Variants in PSMA6 observed in about 807,000 individuals in gnomAD.
PSMA6 encodes proteasome subunit alpha type-6.
For missense variants in PSMA6, 170 were observed against 294.8 expected, an observed-to-expected ratio of 0.58 and a Z score of 3.10; for synonymous variants, 88 against 97.7, an observed-to-expected ratio of 0.90 and a Z score of 0.59.
rs1452669814 is a variant in PSMA6, at chr14:35,293,142, G to C, written c.76+590G>C. On this transcript the variant is annotated intron_variant, in intron 1 of 6. Transcript: ENST00000261479. ...GTGCCAATTTACAAATATCTACAGA[G>C]TTCAAGACATCTTTGGGAATCTGAT... 5 of 396,608 alleles carry C rather than the reference G, an allele frequency of 1.3e-5. No homozygotes were observed. In the Admixed American group the frequency reaches 1.5e-4, roughly 12 times the overall value. 24.6% of individuals were successfully genotyped at this position (396,608 alleles called of 1,614,324 possible). A position where few individuals can be genotyped will look rare whatever the true frequency, so the allele number is the denominator to read the frequency against.
intron 1 of PSMA6, among the ~76,000 whole-genome samples, chr14:35,280,159 G>T: frequency 6.6e-6 from 1 of 151,396 alleles, no homozygotes; most frequent in African/African-American, 2.4e-5. Context: ...GTATTTTTCG[G>T]CCTGGCGCAA....
upstream of PSMA6, among the ~76,000 whole-genome samples, chr14:35,291,054 T>C (rs1225236893): frequency 2.0e-5 from 3 of 151,870 alleles, no homozygotes; most frequent in Non-Finnish European, 4.4e-5. Flanking sequence ...TGCAGTGGCG[T>C]GATCATAGCT....
At chr14:35,295,481 C>T (rs915301076) in intron 1 of PSMA6, among the ~76,000 whole-genome samples, 8 of 146,546 alleles carry the variant, frequency 5.5e-5, no homozygotes, top group African/African-American at 2.0e-4. Flanking sequence ...GACAGAGTTG[C>T]GCTCTTGTTG....
intron 1 of PSMA6, among the ~76,000 whole-genome samples, chr14:35,299,014 G>C (rs1032392473): frequency 8.6e-5 from 13 of 151,116 alleles, no homozygotes; most frequent in African/African-American, 3.2e-4. Flanking sequence ...TATTATAGGC[G>C]TGAGTCACTG....
At chr14:35,297,119 GTTTTTTTTTT>G (rs924383407) in intron 1 of PSMA6, among the ~76,000 whole-genome samples, 8 of 62,656 alleles carry the variant, frequency 1.3e-4, no homozygotes, top group Admixed American at 4.4e-4. Context: ...TCTTAACAAA[GTTTTTTTTTT>G]TTTTTTTTTT....
exon 1 of PSMA6, chr14:35,278,655 G>A (rs1276011781): frequency 6.5e-7 from 1 of 1,534,740 alleles, no homozygotes; most frequent in South Asian, 1.2e-5. Flanking sequence ...TGGGAGAATG[G>A]GATGGAGCCT....
chr14:35,290,280 A>G (rs2138709302), upstream of PSMA6, among the ~76,000 whole-genome samples: 1 of 152,314 alleles, frequency 6.6e-6, no homozygotes, highest in Middle Eastern at 3.4e-3. Context: ...AACTCTGACT[A>G]TGCAGGCAAA....
chr14:35,313,080 T>A (rs2051975174), intron 5 of PSMA6, 21 bp downstream of exon 5: 2 of 1,553,122 alleles, frequency 1.3e-6, no homozygotes, highest in Non-Finnish European at 1.7e-6. Flanking sequence ...CAAAAGGAGC[T>A]GACTTTTTTT....
At chr14:35,294,045 T>C (rs566229526) in intron 1 of PSMA6, among the ~76,000 whole-genome samples, 92 of 150,206 alleles carry the variant, frequency 6.1e-4, no homozygotes, top group African/African-American at 1.9e-3. Context: ...TGATTTTTTA[T>C]TTATTTTTAT....
chr14:35,282,608 T>C lies in PSMA6; in HGVS notation c.19+3890T>C, dbSNP rs117207620. Among the ~76,000 whole-genome samples, 276 of 152,128 alleles carry C rather than the reference T, an allele frequency of 1.8e-3. 2 individuals are homozygous for C. The highest frequency in any genetic ancestry group is 0.017 in the Middle Eastern group (5 of 294). ...ATGATTAAAATGATACTTTGCACTT[T>C]GGGAGGTCAAGGCAGGAGGATTTCT... On this transcript the variant is annotated intron_variant, in intron 1 of 6. Transcript: ENST00000540871.
At chr14:35,295,776 A>G (rs1346672877) in intron 1 of PSMA6, among the ~76,000 whole-genome samples, 1 of 152,174 alleles carries the variant, frequency 6.6e-6, no homozygotes, top group African/African-American at 2.4e-5. Flanking sequence ...TAATGTACAT[A>G]TGCAGGTTGT....
chr14:35,280,423 C>T (rs2051354157), intron 1 of PSMA6, among the ~76,000 whole-genome samples: 1 of 150,930 alleles, frequency 6.6e-6, no homozygotes, highest in Admixed American at 6.6e-5. Flanking sequence ...ACTCTATCAC[C>T]CAGGCTGGAG....
intron 4 of PSMA6, 83 bp downstream of exon 4, chr14:35,310,978 CTT>C (rs1334866616): frequency 2.9e-6 from 4 of 1,366,442 alleles, no homozygotes; most frequent in African/African-American, 1.5e-5. Flanking sequence ...TTAAATAACA[CTT>C]GAGTTCTGAA....
chr14:35,312,558 G>A (rs2051965818), intron 4 of PSMA6, among the ~76,000 whole-genome samples: 1 of 150,768 alleles, frequency 6.6e-6, no homozygotes, highest in Admixed American at 6.6e-5. Flanking sequence ...ATTTGACCAG[G>A]CAACATCTTG....
At position 35,313,057 on chromosome 14, in the gene PSMA6, GAAGT is replaced by G; in HGVS notation, c.588+3_588+6del. ...TGATTGGACATTTGAACAGACAGTG[GAAGT>G]AAGTCAACCAAAAGGAGCTGACTTT... On this transcript the variant is annotated splice_donor_variant and coding_sequence_variant, in exon 5 of 7. Coordinates refer to ENST00000261479, the MANE Select transcript of PSMA6 (RefSeq NM_002791.3). LOFTEE classifies it high-confidence loss of function. 1 of 1,563,866 alleles carries G rather than the reference GAAGT, an allele frequency of 6.4e-7. No individual in the cohort carries two copies. Among genetic ancestry groups the G allele is most frequent in the Non-Finnish European group, 8.6e-7 (1 of 1,165,146 alleles).
intron 3 of PSMA6, 120 bp downstream of exon 3, chr14:35,309,115 A>C (rs769440767): frequency 8.9e-5 from 67 of 754,086 alleles, no homozygotes; most frequent in Admixed American, 2.1e-4. Flanking sequence ...AAGTGCCATG[A>C]GTGGATTTGC....
intron 1 of PSMA6, among the ~76,000 whole-genome samples, chr14:35,301,539 A>G (rs1400391918): frequency 5.3e-5 from 8 of 152,088 alleles, no homozygotes; most frequent in Non-Finnish European, 5.9e-5. Context: ...CCAGTTGCTC[A>G]GTTACACTAG....
intron 1 of PSMA6, among the ~76,000 whole-genome samples, chr14:35,297,119 G>GTTTTTTTT (rs924383407): frequency 4.8e-5 from 3 of 62,656 alleles, no homozygotes; most frequent in African/African-American, 6.3e-5. Flanking sequence ...TCTTAACAAA[G>GTTTTTTTT]TTTTTTTTTT....
At chr14:35,315,133 T>C (rs1423775509) in intron 6 of PSMA6, 1 of 152,138 alleles carries the variant, frequency 6.6e-6, no homozygotes, top group East Asian at 1.9e-4. Context: ...GATGCTCTTA[T>C]CTTTAATGAA....
Sources: gnomAD v4.1 joint callset for allele counts (sites outside exome capture counted in the v4.1 genomes callset) on GRCh38, gnomAD v4.1.1 for gene constraint, MANE v1.5 for transcripts, NCBI Gene and HGNC (gene_info 2026-07-23, HGNC 2026-07-21) for gene names.